RIMS1: variants seen among roughly 807,000 people sequenced by gnomAD.
RIMS1 encodes regulating synaptic membrane exocytosis protein 1.
Under a neutral mutation model 214.1 loss-of-function variants are expected in RIMS1, and 83 were observed. That is an observed-to-expected ratio of 0.39 (90% confidence interval 0.32 to 0.47). RIMS1 has a LOEUF of 0.47. RIMS1 is among the 20% of genes least tolerant of loss of function. The pLI, the probability that RIMS1 is intolerant of heterozygous loss-of-function variation, is 0.99. For missense variants in RIMS1, 2,050 were observed against 2,161.8 expected, an observed-to-expected ratio of 0.95 and a Z score of 1.03; for synonymous variants, 793 against 786.8, an observed-to-expected ratio of 1.01 and a Z score of -0.13.
intron 6 of RIMS1, among the ~76,000 whole-genome samples, chr6:72,219,584 T>C (rs774546421): frequency 1.3e-5 from 2 of 152,134 alleles, no homozygotes; most frequent in Non-Finnish European, 2.9e-5. Flanking sequence ...AGGGGGTATA[T>C]TGATATAATG....
chr6:72,066,576 A>T (rs1228596073), intron 2 of RIMS1, among the ~76,000 whole-genome samples: 2 of 152,174 alleles, frequency 1.3e-5, no homozygotes, highest in Non-Finnish European at 2.9e-5. Flanking sequence ...GCTCAAAAGC[A>T]AATTATTTCA....
chr6:72,192,958 C>T (rs2050296410), intron 6 of RIMS1, among the ~76,000 whole-genome samples: 1 of 152,160 alleles, frequency 6.6e-6, no homozygotes, highest in Non-Finnish European at 1.5e-5. Context: ...CAGAATAATG[C>T]TTTGCATCCT....
chr6:72,167,432 A>G (rs2046415342), intron 4 of RIMS1, among the ~76,000 whole-genome samples: 1 of 152,080 alleles, frequency 6.6e-6, no homozygotes, highest in Non-Finnish European at 1.5e-5. Flanking sequence ...ATTAGGGCTA[A>G]GCTGATCTGA....
chr6:72,304,208 G>T (rs958453110), intron 26 of RIMS1, among the ~76,000 whole-genome samples: 1 of 151,640 alleles, frequency 6.6e-6, no homozygotes, highest in South Asian at 2.1e-4. Flanking sequence ...TTAACATTCA[G>T]AATGTTCCTA....
intron 23 of RIMS1, among the ~76,000 whole-genome samples, chr6:72,275,514 A>G (rs978592953): frequency 6.6e-6 from 1 of 152,146 alleles, no homozygotes; most frequent in Admixed American, 6.5e-5. Flanking sequence ...TTGTTTTACA[A>G]ATACTGGAAA....
chr6:72,086,111 T>C (rs1397395016), intron 2 of RIMS1, among the ~76,000 whole-genome samples: 1 of 152,156 alleles, frequency 6.6e-6, no homozygotes, highest in Non-Finnish European at 1.5e-5. Context: ...GCGAATGCCA[T>C]AGTGATGAAC....
intron 1 of RIMS1, among the ~76,000 whole-genome samples, chr6:71,948,143 A>G (rs1163352207): frequency 6.6e-6 from 1 of 152,214 alleles, no homozygotes; most frequent in African/African-American, 2.4e-5. Flanking sequence ...TATACACCAT[A>G]CAGTGAAAAT....
intron 1 of RIMS1, among the ~76,000 whole-genome samples, chr6:71,888,993 C>T (rs1459587281): frequency 1.3e-5 from 2 of 152,270 alleles, no homozygotes; most frequent in African/African-American, 2.4e-5. Context: ...GTTGTCAGTC[C>T]GTCTGTACTC....
intron 1 of RIMS1, among the ~76,000 whole-genome samples, chr6:71,918,376 A>C (rs1779040896): frequency 6.6e-6 from 1 of 152,122 alleles, no homozygotes; most frequent in South Asian, 2.1e-4. Context: ...TGAGGAAGGG[A>C]GTAAAGATGA....
intron 4 of RIMS1, among the ~76,000 whole-genome samples, chr6:72,152,266 C>G (rs1034106665): frequency 6.6e-6 from 1 of 152,170 alleles, no homozygotes; most frequent in African/African-American, 2.4e-5. Context: ...TTATTCCAAG[C>G]ACTTTGCAAA....
intron 28 of RIMS1, among the ~76,000 whole-genome samples, chr6:72,315,312 T>C (rs145811256): frequency 6.6e-6 from 1 of 152,260 alleles, no homozygotes; most frequent in African/African-American, 2.4e-5. Context: ...CTAAAAAGAG[T>C]ATAAATAAAC....
At chr6:71,920,221 G>A (rs974984609) in intron 1 of RIMS1, among the ~76,000 whole-genome samples, 3 of 152,128 alleles carry the variant, frequency 2.0e-5, no homozygotes, top group Admixed American at 1.3e-4. Context: ...AAAATCAGTT[G>A]CACTAAAATG....
chr6:72,086,279 C>A (rs1834636649), intron 2 of RIMS1, among the ~76,000 whole-genome samples: 1 of 152,102 alleles, frequency 6.6e-6, no homozygotes. Flanking sequence ...ATGCTCATAT[C>A]TAGAATAGCA....
chr6:72,322,412 C>T (rs754885828), intron 28 of RIMS1, among the ~76,000 whole-genome samples: 3 of 152,062 alleles, frequency 2.0e-5, no homozygotes, highest in Non-Finnish European at 2.9e-5. Flanking sequence ...CGTATGTCTT[C>T]ATTATGAAAT....
chr6:72,189,293 T>C (rs1167482315), intron 6 of RIMS1, among the ~76,000 whole-genome samples: 1 of 152,210 alleles, frequency 6.6e-6, no homozygotes, highest in Non-Finnish European at 1.5e-5. Flanking sequence ...ATTCCACTGT[T>C]CTATCAATCC....
At chr6:71,905,053 T>C (rs1478659304) in intron 1 of RIMS1, among the ~76,000 whole-genome samples, 3 of 152,162 alleles carry the variant, frequency 2.0e-5, no homozygotes, top group Non-Finnish European at 4.4e-5. Flanking sequence ...ACCTAAGTTA[T>C]AGGGCAACTA....
intron 9 of RIMS1, among the ~76,000 whole-genome samples, chr6:72,241,108 C>T (rs948132890): frequency 1.8e-4 from 28 of 152,124 alleles, no homozygotes; most frequent in Non-Finnish European, 2.9e-5. Flanking sequence ...CTTCAGTGAG[C>T]AAACAATTGG....
intron 1 of RIMS1, among the ~76,000 whole-genome samples, chr6:71,966,970 G>T (rs1171707258): frequency 1.3e-5 from 2 of 152,148 alleles, no homozygotes; most frequent in East Asian, 1.9e-4. Context: ...TGAAAGCTTT[G>T]TATGAATACC....
At chr6:72,378,649 GC>G in intron 29 of RIMS1, among the ~76,000 whole-genome samples, 1 of 152,238 alleles carries the variant, frequency 6.6e-6, no homozygotes, top group East Asian at 1.9e-4. Context: ...GGCCAACATG[GC>G]AAAATTCTGT....
Sources: gnomAD v4.1 joint callset for allele counts (sites outside exome capture counted in the v4.1 genomes callset) on GRCh38, gnomAD v4.1.1 for gene constraint, MANE v1.5 for transcripts, NCBI Gene and HGNC (gene_info 2026-07-23, HGNC 2026-07-21) for gene names.